Variants in KIAA0930 observed in about 807,000 individuals in gnomAD.
The protein encoded by KIAA0930 is uncharacterized protein KIAA0930.
Under a neutral mutation model 43.9 loss-of-function variants are expected in KIAA0930, and 24 were observed. The ratio of observed to expected loss-of-function variants is 0.55; its 90% CI spans 0.40 to 0.77. The LOEUF (loss-of-function observed/expected upper bound fraction) is 0.77, where lower values mean the gene tolerates loss of function less well. Ranked by LOEUF, KIAA0930 falls within the 30% of genes least tolerant of loss-of-function variation. The pLI is 0.00. For missense variants in KIAA0930, 461 were observed against 574.2 expected (o/e 0.80, Z 2.02); for synonymous variants, 259 against 216.4 (o/e 1.20, Z -1.73).
intron 1 of KIAA0930, among the ~76,000 whole-genome samples, 163 bp downstream of exon 1, chr22:45,240,477 G>T (rs189239632): frequency 1.2e-4 from 19 of 152,148 alleles, no homozygotes; most frequent in South Asian, 4.1e-4. Flanking sequence ...GGGACGGTGG[G>T]GGGGGGGCCA....
intron 1 of KIAA0930, among the ~76,000 whole-genome samples, chr22:45,237,236 C>A (rs186840814): frequency 6.6e-6 from 1 of 152,246 alleles, no homozygotes; most frequent in Non-Finnish European, 1.5e-5. Flanking sequence ...AATCTTGCTC[C>A]GGGCAGCCGC....
chr22:45,235,038 G>C (rs2083878653), intron 1 of KIAA0930, among the ~76,000 whole-genome samples: 3 of 151,956 alleles, frequency 2.0e-5, no homozygotes, highest in Admixed American at 1.3e-4. Context: ...TGGGAAATCT[G>C]AGGATGTTAA....
At chr22:45,237,214 A>G (rs2147769777) in intron 1 of KIAA0930, among the ~76,000 whole-genome samples, 1 of 152,318 alleles carries the variant, frequency 6.6e-6, no homozygotes, top group East Asian at 1.9e-4. Flanking sequence ...TGTCCTGTGG[A>G]TGCAACACCA....
chr22:45,213,352 CT>C (rs1386975748), intron 1 of KIAA0930: 2 of 1,303,586 alleles, frequency 1.5e-6, no homozygotes, highest in African/African-American at 1.5e-5. Flanking sequence ...CTCCTGGGCT[CT>C]AGGGCAGTGA....
chr22:45,208,323 T>C lies in KIAA0930; in HGVS notation c.217-2411A>G, dbSNP rs13056827. On this transcript the variant is annotated intron_variant, in intron 2 of 9. Transcript: ENST00000336156. The stretch of plus-strand genomic sequence containing the variant: ...TGTGAGAACAGGCAGAACCACCGAC[T>C]CCACACACATGAGCTGTGAGAACAG... Among the ~76,000 whole-genome samples the C allele has an allele frequency of 1.1e-3, 158 of 139,892 alleles. 1 individual carries two copies. Among genetic ancestry groups the C allele is most frequent in the Middle Eastern group, 3.4e-3 (1 of 290 alleles). 91.8% of individuals were successfully genotyped at this position (139,892 alleles called of 152,430 possible).
At chr22:45,231,790 A>C (rs1168654934) in intron 1 of KIAA0930, among the ~76,000 whole-genome samples, 1 of 152,134 alleles carries the variant, frequency 6.6e-6, no homozygotes, top group African/African-American at 2.4e-5. Flanking sequence ...AGGTCAGGAG[A>C]TCAAGACCAT....
At chr22:45,200,837 A>C (rs1464524485) in intron 7 of KIAA0930, 1 of 467,302 alleles carries the variant, frequency 2.1e-6, no homozygotes. Flanking sequence ...AGAGAAAGAG[A>C]AGCACAGGAT....
At chr22:45,204,375 C>T (rs1371205627) in intron 5 of KIAA0930, among the ~76,000 whole-genome samples, 1 of 152,190 alleles carries the variant, frequency 6.6e-6, no homozygotes, top group Non-Finnish European at 1.5e-5. Context: ...GGTGACTGCC[C>T]ACCTGGGGTG....
In KIAA0930 at chr22:45,240,719, C is replaced by T; in HGVS notation, c.-16G>A. 2 of 1,080,168 alleles carry T rather than the reference C, an allele frequency of 1.9e-6. No homozygotes were observed. Among genetic ancestry groups the T allele is most frequent in the African/African-American group, 4.1e-5 (1 of 24,246 alleles). 66.9% of individuals were successfully genotyped at this position (1,080,168 alleles called of 1,614,324 possible). On this transcript the variant is annotated 5_prime_UTR_variant, in exon 1 of 10. Transcript: ENST00000336156. ...CACGCAGCATGTGCTGCAGCGAGCG[C>T]TCCTCGGCCTCGGCGCCGCCCGCAG...
At chr22:45,222,223 GGATTTTTTATTCCCTCAGAGAGGGA>G (rs1467739161) in intron 1 of KIAA0930, among the ~76,000 whole-genome samples, 8 of 152,064 alleles carry the variant, frequency 5.3e-5, no homozygotes, top group Non-Finnish European at 1.0e-4. Context: ...AACCATGAGA[GGATTTTTTATTCCCTCAGAGAGGGA>G]GAAGCCTTTC....
rs761031002 is a variant in KIAA0930 at position 45,197,159 on chromosome 22, G to A, written c.*17C>T. On this transcript the variant is annotated 3_prime_UTR_variant, in exon 10 of 10. Transcript: ENST00000336156. ...GGGCTGGGCCCGGCCGGGGCTCTGC[G>A]CAGGCTCCGCACGCGGCTAGGTCAT... 75 of 1,543,310 alleles carry A rather than the reference G, an allele frequency of 4.9e-5. No homozygotes were observed. The highest frequency in any genetic ancestry group is 3.4e-4 in the Middle Eastern group (2 of 5,954).
intron 5 of KIAA0930, 140 bp downstream of exon 5, chr22:45,205,077 G>A (rs2083624084): frequency 4.5e-6 from 3 of 673,526 alleles, no homozygotes; most frequent in East Asian, 2.7e-5. Flanking sequence ...AAGAGAGAGA[G>A]CCACATCTGC....
chr22:45,238,610 G>C (rs765303165), intron 1 of KIAA0930, among the ~76,000 whole-genome samples: 1 of 152,210 alleles, frequency 6.6e-6, no homozygotes, highest in Non-Finnish European at 1.5e-5. Context: ...CATGAGTAGG[G>C]GCGGCTTTCC....
At position 45,204,036 on chromosome 22, in the gene KIAA0930, C is replaced by T. The variant is rs758362268; in HGVS notation, c.517-51G>A. 16 of 1,609,606 alleles carry T rather than the reference C, an allele frequency of 9.9e-6. No homozygotes were observed. The South Asian group carries it at 1.5e-4, about 16-fold the overall frequency. ...GACGTGACCATCAGCTCCCACCGCC[C>T]ACACCACAGCCTGGCCCAACTGGCA... is the stretch of plus-strand genomic sequence containing the variant. On this transcript the variant is annotated intron_variant, in intron 5 of 9. Transcript: ENST00000336156.
intron 1 of KIAA0930, among the ~76,000 whole-genome samples, 183 bp downstream of exon 1, chr22:45,240,457 C>A (rs2147771936): frequency 6.6e-6 from 1 of 152,128 alleles, no homozygotes; most frequent in East Asian, 1.9e-4. Flanking sequence ...CAGAGACAGA[C>A]CCAGATGCAG....
chr22:45,228,165 G>C (rs1361172329), intron 1 of KIAA0930, among the ~76,000 whole-genome samples: 3 of 152,154 alleles, frequency 2.0e-5, no homozygotes, highest in African/African-American at 7.2e-5. Flanking sequence ...GGGCCAGAGT[G>C]GGGTGTGATT....
Position 45,226,305 on chromosome 22 carries a change from G to A in KIAA0930, c.65-14198C>T, listed in dbSNP as rs76023866. 6.0e-3 allele frequency: 2,835 copies of A among 471,074 alleles called. 73 individuals are homozygous for A. Among genetic ancestry groups the A allele is most frequent in the African/African-American group, 0.051 (2,556 of 50,158 alleles). The allele number at this position is 471,074 out of a possible 1,614,324, so 29.2% of individuals were successfully genotyped here. A position where few individuals can be genotyped will look rare whatever the true frequency, so the allele number is the denominator to read the frequency against. The stretch of plus-strand genomic sequence containing the variant: ...TAAGGAAACCGAGACCTTCAAGTCC[G>A]GGCACCTGGCAAGCTCGTGGGGTTG... On this transcript the variant is annotated intron_variant, in intron 1 of 9. Coordinates refer to ENST00000336156, the MANE Select transcript of KIAA0930 (RefSeq NM_001009880.2).
intron 2 of KIAA0930, among the ~76,000 whole-genome samples, chr22:45,210,844 G>A (rs143500514): frequency 3.2e-3 from 213 of 65,586 alleles, no homozygotes; most frequent in African/African-American, 0.014. Flanking sequence ...AAACTGCTGC[G>A]CCAAGGCCGC....
chr22:45,202,593 C>A (rs1601809676), intron 7 of KIAA0930: 2 of 173,430 alleles, frequency 1.2e-5, no homozygotes, highest in East Asian at 3.2e-4. Flanking sequence ...CCCACGCTCA[C>A]CCAGCAGGTC....
Sources: allele counts gnomAD v4.1 joint callset (sites outside exome capture counted in the v4.1 genomes callset), GRCh38; gene constraint gnomAD v4.1.1; transcripts MANE v1.5; gene names NCBI Gene and HGNC (gene_info 2026-07-23, HGNC 2026-07-21).